Variants in NKAIN2 observed in about 807,000 individuals in gnomAD.
NKAIN2 encodes sodium/potassium transporting ATPase interacting 2.
Under a neutral mutation model 32.6 loss-of-function variants are expected in NKAIN2, and 14 were observed. The ratio of observed to expected loss-of-function variants is 0.43; its 90% CI spans 0.28 to 0.67. The LOEUF (loss-of-function observed/expected upper bound fraction) is 0.67. NKAIN2 is among the 30% of genes least tolerant of loss of function. The probability of loss-of-function intolerance (pLI) is 0.17; values close to 1 mark genes in which losing one functional copy is unlikely to be tolerated. For synonymous variants in NKAIN2, 80 were observed against 87.2 expected (o/e 0.92, Z 0.46); for missense variants, 198 against 258.3 (o/e 0.77, Z 1.60).
chr6:123,830,624 A>T (rs146329534), intron 1 of NKAIN2, among the ~76,000 whole-genome samples: 1 of 152,338 alleles, frequency 6.6e-6, no homozygotes, highest in African/African-American at 2.4e-5. Context: ...TAGTCAGGTC[A>T]ACTTCACCCA....
chr6:124,347,402 T>C (rs1434852533), intron 2 of NKAIN2, among the ~76,000 whole-genome samples: 6 of 152,302 alleles, frequency 3.9e-5, no homozygotes, highest in Non-Finnish European at 7.4e-5. Flanking sequence ...ATTGGGGAAG[T>C]TCTCCTGGAT....
chr6:124,309,439 T>G (rs183036147), intron 2 of NKAIN2, among the ~76,000 whole-genome samples: 117 of 152,174 alleles, frequency 7.7e-4, no homozygotes, highest in African/African-American at 2.7e-3. Flanking sequence ...CATGAAAAAA[T>G]GTAATTAGAA....
chr6:123,971,851 A>G (rs1778359382), intron 1 of NKAIN2, among the ~76,000 whole-genome samples: 1 of 152,170 alleles, frequency 6.6e-6, no homozygotes, highest in African/African-American at 2.4e-5. Flanking sequence ...ATGCTTTAAG[A>G]TGTTTTAAAA....
intron 1 of NKAIN2, among the ~76,000 whole-genome samples, chr6:123,868,142 A>G (rs1423307938): frequency 6.6e-6 from 1 of 152,112 alleles, no homozygotes; most frequent in East Asian, 1.9e-4. Context: ...TGCTGGGATT[A>G]CAGGCGTGAG....
At chr6:124,066,787 G>C (rs1325579639) in intron 1 of NKAIN2, among the ~76,000 whole-genome samples, 1 of 151,938 alleles carries the variant, frequency 6.6e-6, no homozygotes, top group African/African-American at 2.4e-5. Flanking sequence ...AATCCTTTTA[G>C]TGCAGAGCAT....
At chr6:123,934,032 C>T (rs1776389472) in intron 1 of NKAIN2, among the ~76,000 whole-genome samples, 1 of 152,082 alleles carries the variant, frequency 6.6e-6, no homozygotes, top group African/African-American at 2.4e-5. Context: ...AAAATAGTCT[C>T]CAGCCTCAGC....
At chr6:124,029,750 G>A (rs1207725953) in intron 1 of NKAIN2, among the ~76,000 whole-genome samples, 1 of 152,158 alleles carries the variant, frequency 6.6e-6, no homozygotes, top group Non-Finnish European at 1.5e-5. Context: ...GCAGCAGGAG[G>A]TGAGTGGTAG....
chr6:124,823,186 C>A (rs539566775), intron 6 of NKAIN2, 34 bp from the exon 7 acceptor site: 2 of 1,496,898 alleles, frequency 1.3e-6, no homozygotes, highest in South Asian at 2.2e-5. Flanking sequence ...TGTCACTTTC[C>A]CCCTTGACTA....
chr6:123,939,794 T>A (rs1237629063), intron 1 of NKAIN2, among the ~76,000 whole-genome samples: 2 of 152,006 alleles, frequency 1.3e-5, no homozygotes, highest in African/African-American at 2.4e-5. Flanking sequence ...TCATGATTCT[T>A]CCAGCCACAC....
chr6:124,814,097 C>T (rs530815226), intron 5 of NKAIN2, among the ~76,000 whole-genome samples: 1 of 152,282 alleles, frequency 6.6e-6, no homozygotes, highest in South Asian at 2.1e-4. Context: ...TCTCTATCTA[C>T]ATGGCACCCC....
chr6:124,153,339 T>C (rs72976468), intron 1 of NKAIN2, among the ~76,000 whole-genome samples: 7,444 of 151,896 alleles, frequency 0.049, 278 homozygotes, highest in Middle Eastern at 0.097. Context: ...TTTGAGTTTC[T>C]ACATCAATTT....
chr6:124,207,299 A>T (rs1790942673), intron 1 of NKAIN2, among the ~76,000 whole-genome samples: 1 of 151,532 alleles, frequency 6.6e-6, no homozygotes, highest in African/African-American at 2.4e-5. Flanking sequence ...GTCAAAAAAG[A>T]AATGATGATG....
At chr6:123,848,544 AAGG>A (rs1345196810) in intron 1 of NKAIN2, among the ~76,000 whole-genome samples, 1 of 152,166 alleles carries the variant, frequency 6.6e-6, no homozygotes, top group Non-Finnish European at 1.5e-5. Context: ...CCATGTGAAG[AAGG>A]AGATGTTTGC....
At position 124,646,097 on chromosome 6, in the gene NKAIN2, CAAT is replaced by C. The variant is rs556644829; in HGVS notation, c.274-12085_274-12083del. Among the ~76,000 whole-genome samples, 79 of 152,162 alleles carry C rather than the reference CAAT, an allele frequency of 5.2e-4. No individual in the cohort carries two copies. The South Asian group carries it at 6.0e-3, about 12-fold the overall frequency. On this transcript the variant is annotated intron_variant, in intron 3 of 6. Coordinates refer to ENST00000368417, the MANE Select transcript of NKAIN2 (RefSeq NM_001040214.3). ...AAGGGGAAGGAATATTGTTTATAGACAATAATTGTTTTTAATATTTACTTATTT... is the reference window on the plus strand; with the variant it reads ...AAGGGGAAGGAATATTGTTTATAGACAATTGTTTTTAATATTTACTTATTT...
intron 3 of NKAIN2, among the ~76,000 whole-genome samples, chr6:124,423,202 A>G (rs1482335868): frequency 6.6e-6 from 1 of 152,194 alleles, no homozygotes. Flanking sequence ...GACCAAAATC[A>G]TTGAGTGTCA....
chr6:124,700,816 A>C (rs1247876450), intron 4 of NKAIN2, among the ~76,000 whole-genome samples: 1 of 151,530 alleles, frequency 6.6e-6, no homozygotes, highest in Non-Finnish European at 1.5e-5. Flanking sequence ...GCTTTCCTTA[A>C]ATTCCAATAA....
intron 3 of NKAIN2, among the ~76,000 whole-genome samples, chr6:124,373,196 G>T (rs1487022151): frequency 6.6e-6 from 1 of 152,134 alleles, no homozygotes; most frequent in Non-Finnish European, 1.5e-5. Context: ...ATATCATAAA[G>T]TTAGTGCTAC....
chr6:124,379,923 G>A (rs750564426), intron 3 of NKAIN2, among the ~76,000 whole-genome samples: 2 of 152,044 alleles, frequency 1.3e-5, no homozygotes, highest in East Asian at 1.9e-4. Context: ...GGAAGAAAAT[G>A]CCAGAATTTT....
intron 1 of NKAIN2, among the ~76,000 whole-genome samples, chr6:124,024,544 CTT>C (rs1346444623): frequency 6.6e-6 from 1 of 151,940 alleles, no homozygotes; most frequent in Admixed American, 6.6e-5. Context: ...AATAATATGT[CTT>C]TGTTTAATGG....
Sources: allele counts gnomAD v4.1 joint callset (sites outside exome capture counted in the v4.1 genomes callset), GRCh38; gene constraint gnomAD v4.1.1; transcripts MANE v1.5; gene names NCBI Gene and HGNC (gene_info 2026-07-23, HGNC 2026-07-21).